LY96: variants seen among roughly 807,000 people sequenced by gnomAD.
LY96 encodes myeloid differentiation protein-2.
LY96 carries 18 observed loss-of-function variants against 18.9 expected under a neutral mutation model. The observed-to-expected ratio is 0.95, with a 90% confidence interval of 0.66 to 1.41. The LOEUF is 1.41. Among genes scored for constraint, LY96 ranks in the 40% most tolerant of loss-of-function variants. LY96 has a pLI of 0.00. For missense variants in LY96, 175 were observed against 182.4 expected (o/e 0.96, Z 0.23); for synonymous variants, 66 against 62.6 (o/e 1.06, Z -0.26).
chr8:74,063,979 A>G, the LY96 span, among the ~76,000 whole-genome samples: 1 of 152,176 alleles, frequency 6.6e-6, no homozygotes, highest in Non-Finnish European at 1.5e-5. Flanking sequence ...TGGTACTGCT[A>G]ACATAATAAT....
the LY96 span, among the ~76,000 whole-genome samples, chr8:74,071,383 A>T: frequency 6.6e-6 from 1 of 152,114 alleles, no homozygotes; most frequent in East Asian, 1.9e-4. Flanking sequence ...TTATATTGCC[A>T]GCAGAGTTAA....
At chr8:74,003,522 A>G (rs1043794330) in intron 1 of LY96, among the ~76,000 whole-genome samples, 5 of 152,332 alleles carry the variant, frequency 3.3e-5, no homozygotes, top group African/African-American at 4.8e-5. Flanking sequence ...AACCTTCACC[A>G]TGGTGCCCAG....
chr8:74,043,257 C>T, the LY96 span, among the ~76,000 whole-genome samples: 1 of 152,076 alleles, frequency 6.6e-6, no homozygotes, highest in Non-Finnish European at 1.5e-5. Flanking sequence ...GAGGTGTGGG[C>T]CAGTGAGATA....
At chr8:74,098,343 T>TA in the LY96 span, among the ~76,000 whole-genome samples, 4 of 152,138 alleles carry the variant, frequency 2.6e-5, no homozygotes, top group African/African-American at 9.6e-5. Flanking sequence ...TTGTCCGAAT[T>TA]AAAAAAAATC....
At position 74,002,053 on chromosome 8, in the gene LY96, TCC is replaced by T. The variant is rs1491432059; in HGVS notation, c.113-2742_113-2741del. On this transcript the variant is annotated intron_variant, in intron 1 of 4. Transcript: ENST00000284818. ...TTCCTTCCTTCCTTCCTTCCTTCCT[TCC>T]TTCCTTCCTTCCTTCCTTCCTTTCT... Among the ~76,000 whole-genome samples, 25 of 40,782 alleles carry T rather than the reference TCC, an allele frequency of 6.1e-4. 5 individuals carry two copies. The highest frequency in any genetic ancestry group is 4.3e-3 in the Admixed American group (14 of 3,238). The allele number at this position is 40,782 out of a possible 152,430, so 26.8% of individuals were successfully genotyped here.
downstream of LY96, chr8:74,029,107 G>A: frequency 1.9e-6 from 2 of 1,062,346 alleles, no homozygotes; most frequent in East Asian, 2.5e-5. Context: ...TGTTTTAAGG[G>A]TACCCAGGAT....
the LY96 span, among the ~76,000 whole-genome samples, chr8:74,067,709 A>C: frequency 6.6e-6 from 1 of 151,942 alleles, no homozygotes; most frequent in Non-Finnish European, 1.5e-5. Context: ...GTGTATTCTG[A>C]GGTTAATGCT....
the LY96 span, among the ~76,000 whole-genome samples, chr8:74,078,718 C>T: frequency 6.6e-6 from 1 of 152,138 alleles, no homozygotes; most frequent in Non-Finnish European, 1.5e-5. Context: ...GCTGGGCAGA[C>T]CCACAGAGCT....
intron 1 of LY96, among the ~76,000 whole-genome samples, chr8:73,996,893 C>T (rs375475023): frequency 2.9e-4 from 44 of 149,606 alleles, no homozygotes; most frequent in Admixed American, 5.4e-4. Flanking sequence ...TACAGGCCTG[C>T]GCCACCACAC....
At chr8:74,030,505 T>C (rs753792623), downstream of LY96, among the ~76,000 whole-genome samples, 2 of 152,228 alleles carry the variant, frequency 1.3e-5, no homozygotes, top group Non-Finnish European at 2.9e-5. Flanking sequence ...GAAGTGTTTT[T>C]GGTGAAGTTT....
chr8:74,071,380 G>T, the LY96 span, among the ~76,000 whole-genome samples: 1 of 150,970 alleles, frequency 6.6e-6, no homozygotes, highest in East Asian at 1.9e-4. Flanking sequence ...CTTTTATATT[G>T]CCAGCAGAGT....
At chr8:74,052,976 T>C in the LY96 span, among the ~76,000 whole-genome samples, 2 of 152,116 alleles carry the variant, frequency 1.3e-5, no homozygotes, top group African/African-American at 2.4e-5. Flanking sequence ...AATCAGAAAA[T>C]GTTGGCAATT....
the LY96 span, among the ~76,000 whole-genome samples, chr8:74,043,640 C>T: frequency 3.9e-3 from 597 of 152,046 alleles, 3 homozygotes; most frequent in African/African-American, 0.013. Flanking sequence ...TTGTTGGATA[C>T]GTGGATTACA....
chr8:74,078,114 A>T, the LY96 span, among the ~76,000 whole-genome samples: 13 of 151,822 alleles, frequency 8.6e-5, no homozygotes, highest in African/African-American at 3.1e-4. Flanking sequence ...TCTCAATAAA[A>T]AAAAAAAAAA....
At chr8:74,076,824 C>G in the LY96 span, among the ~76,000 whole-genome samples, 10 of 152,126 alleles carry the variant, frequency 6.6e-5, no homozygotes, top group Non-Finnish European at 7.3e-5. Flanking sequence ...GCTGGGTGTA[C>G]TACAACTTAA....
the LY96 span, among the ~76,000 whole-genome samples, chr8:74,068,090 AT>A: frequency 1.6e-3 from 145 of 89,102 alleles, 1 homozygote; most frequent in Non-Finnish European, 2.5e-3. Flanking sequence ...AAAAAAAAAA[AT>A]ATATATATAT....
At chr8:74,095,110 A>G in the LY96 span, among the ~76,000 whole-genome samples, 1 of 152,250 alleles carries the variant, frequency 6.6e-6, no homozygotes, top group African/African-American at 2.4e-5. Context: ...TGGAGCCACA[A>G]ATCTCAAATT....
the LY96 span, among the ~76,000 whole-genome samples, chr8:74,042,781 CT>C: frequency 0.019 from 2,647 of 142,792 alleles, 33 homozygotes; most frequent in East Asian, 0.037. Flanking sequence ...GTTTTGTTAC[CT>C]TTTTTTTTTT....
At chr8:74,097,840 A>G in the LY96 span, among the ~76,000 whole-genome samples, 1 of 152,236 alleles carries the variant, frequency 6.6e-6, no homozygotes, top group Non-Finnish European at 1.5e-5. Flanking sequence ...TTGTTATAGT[A>G]GAAATGCAGA....
Sources: gnomAD v4.1 joint callset for allele counts (sites outside exome capture counted in the v4.1 genomes callset) on GRCh38, gnomAD v4.1.1 for gene constraint, MANE v1.5 for transcripts, NCBI Gene and HGNC (gene_info 2026-07-23, HGNC 2026-07-21) for gene names.